The following PTPRG variants were observed in gnomAD, a reference collection of about 807,000 sequenced individuals.
The protein encoded by PTPRG is protein tyrosine phosphatase receptor type G.
PTPRG carries 102 observed loss-of-function variants against 165.3 expected under a neutral mutation model. The ratio of observed to expected loss-of-function variants is 0.62; its 90% CI spans 0.53 to 0.73. The LOEUF is 0.73. Among genes scored for constraint, PTPRG ranks in the 30% least tolerant of loss-of-function variants. PTPRG has a pLI of 0.00. For synonymous variants in PTPRG, 675 were observed against 669.5 expected (o/e 1.01, Z -0.13); for missense variants, 1,866 against 1,861.4 (o/e 1.00, Z -0.05).
rs73099136 is a variant in PTPRG at position 61,703,077 on chromosome 3, C to T, written c.86-45801C>T. Among the ~76,000 whole-genome samples, 952 of 151,870 alleles carry T rather than the reference C, an allele frequency of 6.3e-3. 4 individuals are homozygous for T. Among genetic ancestry groups the T allele is most frequent in the Admixed American group, 0.011 (172 of 15,268 alleles). On this transcript the variant is annotated intron_variant, in intron 1 of 29. Coordinates refer to ENST00000474889, the MANE Select transcript of PTPRG (RefSeq NM_002841.4). Reference sequence around the variant, plus strand: ...ATTCTCTATAGGCAGAGCCTTGGCTCGTTACCACTACCCTCTGCTGCTGCC... The same window carrying T: ...ATTCTCTATAGGCAGAGCCTTGGCTTGTTACCACTACCCTCTGCTGCTGCC...
intron 2 of PTPRG, among the ~76,000 whole-genome samples, chr3:61,833,067 TTGTGTGTGTGTG>T (rs113069211): frequency 1.4e-5 from 2 of 146,792 alleles, no homozygotes; most frequent in African/African-American, 2.6e-5. Flanking sequence ...TAGTATTCCA[TTGTGTGTGTGTG>T]TGTGTGTGTG....
At chr3:61,960,871 T>C (rs775327425) in intron 2 of PTPRG, among the ~76,000 whole-genome samples, 4 of 152,172 alleles carry the variant, frequency 2.6e-5, no homozygotes, top group Non-Finnish European at 5.9e-5. Context: ...CAATGAGTGG[T>C]ATGTGTAAAA....
chr3:61,992,249 AT>A (rs11369396), intron 3 of PTPRG, among the ~76,000 whole-genome samples: 60 of 150,202 alleles, frequency 4.0e-4, no homozygotes, highest in South Asian at 6.3e-4. Flanking sequence ...GCATTTTTGC[AT>A]TTTTTTTTTT....
At chr3:61,853,089 C>T (rs567752817) in intron 2 of PTPRG, among the ~76,000 whole-genome samples, 1 of 152,260 alleles carries the variant, frequency 6.6e-6, no homozygotes, top group South Asian at 2.1e-4. Context: ...ACATGCTTGT[C>T]CTTGCGGAGC....
At chr3:61,738,189 C>T (rs1390407706) in intron 1 of PTPRG, among the ~76,000 whole-genome samples, 5 of 148,180 alleles carry the variant, frequency 3.4e-5, no homozygotes, top group East Asian at 2.0e-4. Flanking sequence ...TGAGCCACCG[C>T]GCCCGGCCTA....
chr3:62,082,983 A>T (rs1362996460), intron 5 of PTPRG, among the ~76,000 whole-genome samples: 10 of 152,244 alleles, frequency 6.6e-5, no homozygotes, highest in Admixed American at 6.5e-4. Context: ...ATAGGGGAAC[A>T]AGTAAGAGTA....
At position 61,697,975 on chromosome 3, in the gene PTPRG, T is replaced by C. The variant is rs531943591; in HGVS notation, c.86-50903T>C. On this transcript the variant is annotated intron_variant, in intron 1 of 29. Transcript: ENST00000474889. ...AGTCCTTGCTAATTTCCCCTGCGTTTATTCCCATTAGACCATATTCTTTTA... is the reference window on the plus strand; with the variant it reads ...AGTCCTTGCTAATTTCCCCTGCGTTCATTCCCATTAGACCATATTCTTTTA... 2.6e-5 allele frequency among the ~76,000 whole-genome samples: 4 copies of C among 152,356 alleles called. No homozygotes were observed. In the East Asian group the frequency reaches 7.7e-4, roughly 29 times the overall value.
chr3:61,988,848 G>A (rs1439640167), intron 2 of PTPRG, among the ~76,000 whole-genome samples: 1 of 152,192 alleles, frequency 6.6e-6, no homozygotes, highest in Admixed American at 6.5e-5. Flanking sequence ...AAATAGGACA[G>A]GGAGGCAAAT....
Position 62,124,413 on chromosome 3 carries a change from G to A in PTPRG, c.616-8189G>A. The stretch of plus-strand genomic sequence containing the variant: ...TCCAAGATGTAGTCGATGACGTGCT[G>A]CAGGATTTCCATCTTGCTCACATTC... On this transcript the variant is annotated intron_variant, in intron 5 of 29. Transcript: ENST00000474889. The A allele has an allele frequency of 3.7e-6, 6 of 1,613,926 alleles. No homozygotes were observed. The South Asian group carries it at 5.5e-5, about 15-fold the overall frequency.
intron 25 of PTPRG, 60 bp from the exon 26 acceptor site, chr3:62,277,491 A>T: frequency 6.5e-7 from 1 of 1,546,574 alleles, no homozygotes; most frequent in Non-Finnish European, 8.8e-7. Context: ...ATATTTTACT[A>T]CCACAAAGTT....
At chr3:61,699,913 C>A (rs563246590) in intron 1 of PTPRG, among the ~76,000 whole-genome samples, 223 of 152,296 alleles carry the variant, frequency 1.5e-3, no homozygotes, top group Non-Finnish European at 2.4e-3. Flanking sequence ...GGAGACTCAA[C>A]CTCAGAGTGG....
intron 26 of PTPRG, among the ~76,000 whole-genome samples, chr3:62,280,068 T>C (rs983365707): frequency 6.6e-6 from 1 of 152,086 alleles, no homozygotes; most frequent in African/African-American, 2.4e-5. Context: ...TGCATATCTA[T>C]TTTTAATCTT....
chr3:61,709,125 G>C (rs77163376), intron 1 of PTPRG, among the ~76,000 whole-genome samples: 3,006 of 152,254 alleles, frequency 0.02, 107 homozygotes, highest in African/African-American at 0.065. Flanking sequence ...TGAGTCAGAG[G>C]TATTGTTGTC....
chr3:62,197,253 T>C (rs938375139), intron 10 of PTPRG, among the ~76,000 whole-genome samples: 1 of 152,194 alleles, frequency 6.6e-6, no homozygotes, highest in African/African-American at 2.4e-5. Context: ...GTCATTCACA[T>C]AGTGCTAGTT....
chr3:62,175,001 A>G (rs997254698), intron 8 of PTPRG, among the ~76,000 whole-genome samples: 7 of 152,146 alleles, frequency 4.6e-5, no homozygotes, highest in Admixed American at 6.5e-5. Flanking sequence ...AAAGAAGACA[A>G]AAAAAACAGG....
intron 2 of PTPRG, among the ~76,000 whole-genome samples, chr3:61,973,320 T>C (rs193244434): frequency 7.0e-4 from 106 of 152,336 alleles, no homozygotes; most frequent in African/African-American, 2.5e-3. Context: ...TTCTCTGGAA[T>C]GGGAGTTCCT....
intron 14 of PTPRG, among the ~76,000 whole-genome samples, chr3:62,232,563 C>T (rs1226356975): frequency 3.3e-5 from 5 of 152,158 alleles, no homozygotes; most frequent in African/African-American, 1.2e-4. Context: ...CTTTAAAAAC[C>T]CAGCATCACC....
intron 2 of PTPRG, among the ~76,000 whole-genome samples, chr3:61,873,550 T>C (rs1037783891): frequency 1.3e-5 from 2 of 152,216 alleles, no homozygotes; most frequent in Non-Finnish European, 2.9e-5. Flanking sequence ...TTTAGATAGC[T>C]GTCGGAAAAG....
intron 1 of PTPRG, among the ~76,000 whole-genome samples, chr3:61,714,276 T>A (rs533223494): frequency 9.8e-5 from 15 of 152,302 alleles, no homozygotes; most frequent in African/African-American, 2.9e-4. Flanking sequence ...CCTGTTTTTC[T>A]AGGTGGGCCC....
Sources: gnomAD v4.1 joint callset for allele counts (sites outside exome capture counted in the v4.1 genomes callset) on GRCh38, gnomAD v4.1.1 for gene constraint, MANE v1.5 for transcripts, NCBI Gene and HGNC (gene_info 2026-07-23, HGNC 2026-07-21) for gene names.